The following NAALADL2 variants were observed in gnomAD, a reference collection of about 807,000 sequenced individuals.
NAALADL2 encodes the protein N-acetylated alpha-linked acidic dipeptidase like 2, also known as inactive N-acetylated-alpha-linked acidic dipeptidase-like protein 2.
Under a neutral mutation model 87.2 loss-of-function variants are expected in NAALADL2, and 76 were observed. That is an observed-to-expected ratio of 0.87 (90% CI 0.72 to 1.05). The LOEUF (loss-of-function observed/expected upper bound fraction) is 1.05, where lower values mean the gene tolerates loss of function less well. Among genes scored for constraint, NAALADL2 ranks in the 50% least tolerant of loss-of-function variants. The pLI is 0.00. For missense variants in NAALADL2, 1,089 were observed against 945.8 expected (o/e 1.15, Z -1.99); for synonymous variants, 354 against 331.0 (o/e 1.07, Z -0.75).
At chr3:175,257,598 G>T (rs376758866) in intron 4 of NAALADL2, among the ~76,000 whole-genome samples, 3 of 144,120 alleles carry the variant, frequency 2.1e-5, no homozygotes, top group African/African-American at 7.5e-5. Flanking sequence ...GGGTGGGGGG[G>T]CACACAGAGG....
At chr3:174,467,423 T>C (rs1716603233) in intron 1 of NAALADL2, among the ~76,000 whole-genome samples, 1 of 151,096 alleles carries the variant, frequency 6.6e-6, no homozygotes, top group South Asian at 2.1e-4. Flanking sequence ...TGAAACCCCG[T>C]GGCTACTAAA....
chr3:175,111,125 C>T (rs1403098380), intron 2 of NAALADL2, among the ~76,000 whole-genome samples: 2 of 151,682 alleles, frequency 1.3e-5, no homozygotes, highest in African/African-American at 4.8e-5. Context: ...TCTGAGAGGT[C>T]ACCTCCCATA....
At chr3:175,256,143 A>G (rs1371634903) in intron 3 of NAALADL2, among the ~76,000 whole-genome samples, 1 of 152,212 alleles carries the variant, frequency 6.6e-6, no homozygotes, top group African/African-American at 2.4e-5. Context: ...GTCTGTTAGA[A>G]GAATGAACTG....
chr3:175,194,451 T>C (rs758285386), intron 2 of NAALADL2, among the ~76,000 whole-genome samples: 2 of 152,012 alleles, frequency 1.3e-5, no homozygotes, highest in Admixed American at 6.5e-5. Flanking sequence ...CAGAAGTATT[T>C]AGCAATGTGA....
At chr3:175,323,415 G>A (rs9878867) in intron 4 of NAALADL2, among the ~76,000 whole-genome samples, 1 of 147,896 alleles carries the variant, frequency 6.8e-6, no homozygotes. Flanking sequence ...GTGCAGCGCA[G>A]CAGCATGGCA....
At chr3:174,600,558 G>A (rs574232510) in intron 2 of NAALADL2, among the ~76,000 whole-genome samples, 13 of 151,994 alleles carry the variant, frequency 8.6e-5, no homozygotes, top group African/African-American at 3.1e-4. Flanking sequence ...TTTAATTTTT[G>A]TGAGTACACG....
chr3:175,638,878 C>T (rs146202690), intron 11 of NAALADL2, among the ~76,000 whole-genome samples: 219 of 152,240 alleles, frequency 1.4e-3, no homozygotes, highest in Middle Eastern at 3.4e-3. Flanking sequence ...ACCCTGCCAA[C>T]GTCCAACACT....
At chr3:174,845,505 G>C (rs1724522055) in intron 3 of NAALADL2, among the ~76,000 whole-genome samples, 1 of 152,180 alleles carries the variant, frequency 6.6e-6, no homozygotes, top group Non-Finnish European at 1.5e-5. Context: ...CATTTCCCCT[G>C]GTGACTGTCA....
At chr3:175,765,675 G>A (rs77768468) in intron 13 of NAALADL2, among the ~76,000 whole-genome samples, 3,568 of 152,130 alleles carry the variant, frequency 0.023, 136 homozygotes, top group African/African-American at 0.079. Flanking sequence ...TGTCATATTT[G>A]CAAGTCAAGA....
intron 9 of NAALADL2, among the ~76,000 whole-genome samples, chr3:175,549,672 A>C (rs553717887): frequency 2.3e-4 from 35 of 152,072 alleles, no homozygotes; most frequent in African/African-American, 6.3e-4. Context: ...AATTAGAGTT[A>C]ATTATTGTTT....
chr3:175,257,511 T>G (rs1412343558), intron 4 of NAALADL2, among the ~76,000 whole-genome samples: 1 of 152,012 alleles, frequency 6.6e-6, no homozygotes, highest in Non-Finnish European at 1.5e-5. Context: ...ATTTTTAATA[T>G]GTATTAAAAG....
chr3:175,569,870 T>A (rs547999430), intron 9 of NAALADL2, among the ~76,000 whole-genome samples: 2 of 149,678 alleles, frequency 1.3e-5, no homozygotes, highest in South Asian at 4.2e-4. Flanking sequence ...ACTTTATATA[T>A]ACATTAATAA....
At position 175,809,510 on chromosome 3, in the gene NAALADL2, T is replaced by TAAAAAAAAAAAAA. The variant is rs1491162200; in HGVS notation, c.*6307_*6308insAAAAAAAAAAAAA. The stretch of plus-strand genomic sequence containing the variant: ...GCAACAAAGTGAGACCCTGTCTCTC[T>TAAAAAAAAAAAAA]TAAAAAAAAAAAAAAAAAAAAAAAA... On this transcript the variant is annotated 3_prime_UTR_variant, in exon 14 of 14. Transcript: ENST00000454872. 3.2e-4 allele frequency: 11 copies of TAAAAAAAAAAAAA among 34,384 alleles called. 3 individuals carry two copies. Among genetic ancestry groups the TAAAAAAAAAAAAA allele is most frequent in the Non-Finnish European group, 5.3e-4 (7 of 13,312 alleles). The allele number at this position is 34,384 out of a possible 1,614,324, so 2.1% of individuals were successfully genotyped here.
intron 2 of NAALADL2, among the ~76,000 whole-genome samples, chr3:175,170,675 T>C (rs982110821): frequency 4.0e-5 from 6 of 151,288 alleles, no homozygotes; most frequent in South Asian, 4.2e-4. Flanking sequence ...AGAATAATCA[T>C]TGGGACATTG....
intron 3 of NAALADL2, among the ~76,000 whole-genome samples, chr3:175,241,711 A>G (rs1746918214): frequency 6.6e-6 from 1 of 152,188 alleles, no homozygotes; most frequent in African/African-American, 2.4e-5. Context: ...GAAAGAGAAC[A>G]GAAGCCTATT....
At chr3:174,745,192 C>T (rs1312821408) in intron 3 of NAALADL2, among the ~76,000 whole-genome samples, 1 of 151,664 alleles carries the variant, frequency 6.6e-6, no homozygotes, top group Admixed American at 6.6e-5. Context: ...AAATAGACCA[C>T]AAGCTAGACT....
At chr3:175,144,425 A>G (rs866654477) in intron 2 of NAALADL2, among the ~76,000 whole-genome samples, 70 of 152,116 alleles carry the variant, frequency 4.6e-4, no homozygotes, top group African/African-American at 1.7e-3. Flanking sequence ...TCTGAAAAAT[A>G]TATGAGTTAA....
intron 3 of NAALADL2, among the ~76,000 whole-genome samples, chr3:174,853,373 T>A: frequency 1.0e-5 from 1 of 97,366 alleles, no homozygotes. Flanking sequence ...CGAGACTCAA[T>A]CTCAAAAAAA....
At position 174,682,212 on chromosome 3, in the gene NAALADL2, T is replaced by C. The variant is rs529743455; in HGVS notation, c.-114-55429T>C. Among the ~76,000 whole-genome samples, 8 of 152,316 alleles carry C rather than the reference T, an allele frequency of 5.3e-5. No individual in the cohort carries two copies. In the East Asian group the frequency reaches 1.2e-3, roughly 22 times the overall value. ...AAAGTGTGGGAAAGACTTTGTCTTA[T>C]GGCTTGGGTGCAAGCTCAGCTGCAG... is the stretch of plus-strand genomic sequence containing the variant. On this transcript the variant is annotated intron_variant, in intron 2 of 3. Coordinates refer to the NAALADL2 transcript ENST00000434257.
Sources: gnomAD v4.1 joint callset for allele counts (sites outside exome capture counted in the v4.1 genomes callset) on GRCh38, gnomAD v4.1.1 for gene constraint, MANE v1.5 for transcripts, NCBI Gene and HGNC (gene_info 2026-07-23, HGNC 2026-07-21) for gene names.